Variants in RBPMS2 observed in about 807,000 individuals in gnomAD.
RBPMS2 encodes the protein RNA-binding protein with multiple splicing 2.
In RBPMS2, 14 loss-of-function variants were observed where a neutral mutation model predicts 25.7. The ratio of observed to expected loss-of-function variants is 0.55; its 90% CI spans 0.36 to 0.85. The LOEUF is 0.85. Ranked by LOEUF, RBPMS2 falls within the 40% of genes least tolerant of loss-of-function variation. The pLI is 0.01. For synonymous variants in RBPMS2, 127 were observed against 115.6 expected (o/e 1.10, Z -0.63); for missense variants, 252 against 283.4 (o/e 0.89, Z 0.80).
chr15:64,754,222 G>C (rs1448134768), intron 1 of RBPMS2, among the ~76,000 whole-genome samples: 1 of 152,130 alleles, frequency 6.6e-6, no homozygotes, highest in East Asian at 1.9e-4. Context: ...TGAGGCAAGA[G>C]AATCACTAGA....
intron 1 of RBPMS2, among the ~76,000 whole-genome samples, chr15:64,751,972 T>G (rs2083686640): frequency 6.7e-6 from 1 of 148,782 alleles, no homozygotes; most frequent in Non-Finnish European, 1.5e-5. Context: ...TTTTTTTTCT[T>G]TTTTTTTTTT....
intron 1 of RBPMS2, among the ~76,000 whole-genome samples, chr15:64,773,628 G>C (rs1180831622): frequency 6.6e-6 from 1 of 152,150 alleles, no homozygotes; most frequent in Non-Finnish European, 1.5e-5. Flanking sequence ...AACAGCAGTG[G>C]GTCTGAGGGT....
intron 1 of RBPMS2, among the ~76,000 whole-genome samples, chr15:64,755,900 C>A (rs1466802862): frequency 6.6e-6 from 1 of 151,760 alleles, no homozygotes; most frequent in African/African-American, 2.4e-5. Flanking sequence ...TCGGCTCACC[C>A]CTTCCTCACT....
chr15:64,744,798 G>GTTGTTTTTTTTTTTTTTTTTTT (rs2083601378), intron 6 of RBPMS2, among the ~76,000 whole-genome samples: 1 of 46,290 alleles, frequency 2.2e-5, no homozygotes, highest in African/African-American at 7.4e-5. Context: ...GGTTTGTTTT[G>GTTGTTTTTTTTTTTTTTTTTTT]TTTTTTTTTT....
intron 1 of RBPMS2, among the ~76,000 whole-genome samples, chr15:64,774,804 G>C (rs1328739398): frequency 2.0e-5 from 3 of 151,402 alleles, no homozygotes; most frequent in African/African-American, 7.3e-5. Flanking sequence ...TGAGGGTGCC[G>C]CCCTCGGGCC....
At chr15:64,762,507 C>G (rs747844947) in intron 1 of RBPMS2, 1 of 534,772 alleles carries the variant, frequency 1.9e-6, no homozygotes, top group Non-Finnish European at 3.8e-6. Context: ...GCACCCAGAT[C>G]TGATCTGGCT....
chr15:64,769,788 C>A (rs2083879328), intron 1 of RBPMS2, among the ~76,000 whole-genome samples: 1 of 152,220 alleles, frequency 6.6e-6, no homozygotes, highest in East Asian at 1.9e-4. Flanking sequence ...GCTCCCATCA[C>A]CCATCTTGGG....
chr15:64,748,848 G>C (rs1471162380), intron 5 of RBPMS2, 152 bp downstream of exon 5: 1 of 867,644 alleles, frequency 1.2e-6, no homozygotes, highest in Non-Finnish European at 1.7e-6. Flanking sequence ...TTCTAGGCAG[G>C]CTGCAGGGGA....
intron 1 of RBPMS2, among the ~76,000 whole-genome samples, chr15:64,772,386 T>C (rs4777561): frequency 0.75 from 114,037 of 152,068 alleles, 46,055 homozygotes; most frequent in East Asian, 0.96. Context: ...AACCTCTAGA[T>C]TGGGAGGGAC....
chr15:64,775,200 T>C, intron 1 of RBPMS2, 33 bp downstream of exon 1: 2 of 1,160,690 alleles, frequency 1.7e-6, no homozygotes, highest in Non-Finnish European at 2.1e-6. Flanking sequence ...TGGCGTGCGC[T>C]TCACCCGGCA....
At chr15:64,742,806 A>G (rs1336827273) in intron 6 of RBPMS2, among the ~76,000 whole-genome samples, 4 of 152,198 alleles carry the variant, frequency 2.6e-5, no homozygotes, top group Non-Finnish European at 5.9e-5. Flanking sequence ...AGGCAGACCC[A>G]GTTACCCACT....
intron 1 of RBPMS2, among the ~76,000 whole-genome samples, chr15:64,761,863 C>T (rs2083791915): frequency 6.6e-6 from 1 of 151,960 alleles, no homozygotes; most frequent in Admixed American, 6.6e-5. Context: ...CACCCACCAC[C>T]ATGCCCGACA....
intron 1 of RBPMS2, 73 bp downstream of exon 1, chr15:64,775,160 A>C: frequency 1.4e-5 from 11 of 799,730 alleles, no homozygotes; most frequent in Admixed American, 9.9e-5. Context: ...GAGGCGCGGC[A>C]GGCCCCGCTC....
At chr15:64,758,130 T>G (rs2141068109) in intron 1 of RBPMS2, among the ~76,000 whole-genome samples, 1 of 152,298 alleles carries the variant, frequency 6.6e-6, no homozygotes, top group South Asian at 2.1e-4. Flanking sequence ...CACAAAACGT[T>G]TTAAAGCATT....
intron 5 of RBPMS2, 80 bp downstream of exon 5, chr15:64,748,919 AG>A (rs2083646161): frequency 1.3e-6 from 2 of 1,492,578 alleles, no homozygotes; most frequent in Non-Finnish European, 1.8e-6. Context: ...CTCCTGGAAA[AG>A]GGGCTTCCCT....
At chr15:64,774,643 A>T (rs1335335020) in intron 1 of RBPMS2, among the ~76,000 whole-genome samples, 1 of 136,514 alleles carries the variant, frequency 7.3e-6, no homozygotes, top group African/African-American at 2.6e-5. Context: ...AACTAATTAA[A>T]TTGTGGGCTC....
At chr15:64,757,358 A>C (rs1399486584) in intron 1 of RBPMS2, among the ~76,000 whole-genome samples, 1 of 152,118 alleles carries the variant, frequency 6.6e-6, no homozygotes, top group East Asian at 1.9e-4. Context: ...GAGAGCAATA[A>C]AATGCTGGCT....
Position 64,775,344 on chromosome 15 carries a change from A to G in RBPMS2, c.-25T>C. On this transcript the variant is annotated 5_prime_UTR_variant, in exon 1 of 8. Coordinates refer to ENST00000300069, the MANE Select transcript of RBPMS2 (RefSeq NM_194272.3). ...TGGTGCGGGGGAGGGGGCGGCGGGA[A>G]GGAACGCGAGGGCGAGCGCGGCGCC... The G allele has an allele frequency of 9.0e-6, 11 of 1,218,192 alleles. No homozygotes were observed. Among genetic ancestry groups the G allele is most frequent in the Non-Finnish European group, 1.0e-5 (10 of 969,698 alleles). 75.5% of individuals were successfully genotyped at this position (1,218,192 alleles called of 1,614,324 possible). A position where few individuals can be genotyped will look rare whatever the true frequency, so the allele number is the denominator to read the frequency against.
chr15:64,750,924 G>A (rs2083671872), intron 2 of RBPMS2, among the ~76,000 whole-genome samples: 1 of 152,052 alleles, frequency 6.6e-6, no homozygotes, highest in Non-Finnish European at 1.5e-5. Flanking sequence ...TGTAGTCCCA[G>A]CTACTCGGGA....
Sources: gnomAD v4.1 joint callset for allele counts (sites outside exome capture counted in the v4.1 genomes callset) on GRCh38, gnomAD v4.1.1 for gene constraint, MANE v1.5 for transcripts, NCBI Gene and HGNC (gene_info 2026-07-23, HGNC 2026-07-21) for gene names.